GHRHR: variants seen among roughly 807,000 people sequenced by gnomAD.
GHRHR encodes growth hormone releasing hormone receptor, also known as growth hormone-releasing hormone receptor.
A neutral mutation model predicts 58.3 loss-of-function variants in GHRHR; 40 were observed. The observed-to-expected ratio is 0.69, with a 90% CI of 0.53 to 0.89. The LOEUF is 0.89. Among genes scored for constraint, GHRHR ranks in the 40% least tolerant of loss-of-function variants. The pLI is 0.00. For missense variants in GHRHR, 551 were observed against 541.3 expected (o/e 1.02, Z -0.18); for synonymous variants, 249 against 216.6 (o/e 1.15, Z -1.31).
chr7:30,975,935 T>C, intron 10 of GHRHR, 67 bp downstream of exon 10: 1 of 907,458 alleles, frequency 1.1e-6, no homozygotes, highest in Admixed American at 1.7e-5. Flanking sequence ...TGTGTCTGTC[T>C]CATCCAATAA....
In GHRHR at chr7:30,979,338, C is replaced by A; in HGVS notation, c.*94C>A. The A allele has an allele frequency of 1.5e-6, 2 of 1,306,444 alleles. No individual in the cohort carries two copies. The highest frequency in any genetic ancestry group is 2.2e-6 in the Non-Finnish European group (2 of 926,608). 80.9% of individuals were successfully genotyped at this position (1,306,444 alleles called of 1,614,324 possible). On this transcript the variant is annotated 3_prime_UTR_variant, in exon 13 of 13. Transcript: ENST00000326139. ...GAGGAGCAAGGGGGCCACATCCCCA[C>A]CCCAGCTGTTACCCAGCCCGGGGCA... is the stretch of plus-strand genomic sequence containing the variant.
chr7:30,972,837 C>G (rs1002855671), intron 6 of GHRHR, among the ~76,000 whole-genome samples: 2 of 152,196 alleles, frequency 1.3e-5, no homozygotes, highest in African/African-American at 4.8e-5. Flanking sequence ...AACACATGAC[C>G]TCAATTAACT....
intron 7 of GHRHR, 77 bp from the exon 8 acceptor site, chr7:30,974,352 G>C (rs936339382): frequency 1.7e-6 from 2 of 1,170,810 alleles, no homozygotes; most frequent in African/African-American, 3.0e-5. Flanking sequence ...GGCTGATGGT[G>C]GTGGTGGGAG....
chr7:30,965,204 T>G (rs1242758222), intron 1 of GHRHR, among the ~76,000 whole-genome samples: 1 of 152,222 alleles, frequency 6.6e-6, no homozygotes, highest in African/African-American at 2.4e-5. Context: ...CTGTGTGCAC[T>G]CTACAGCAAA....
chr7:30,968,367 C>G (rs936850949), intron 1 of GHRHR, among the ~76,000 whole-genome samples: 1 of 151,976 alleles, frequency 6.6e-6, no homozygotes, highest in South Asian at 2.1e-4. Context: ...AGTTGGCCAT[C>G]CCTGTGAGAT....
intron 12 of GHRHR, among the ~76,000 whole-genome samples, chr7:30,978,404 T>A (rs1238569776): frequency 6.6e-6 from 1 of 152,152 alleles, no homozygotes; most frequent in African/African-American, 2.4e-5. Context: ...GGTGGTTACA[T>A]ACCTCTGGTG....
intron 3 of GHRHR, 110 bp downstream of exon 3, chr7:30,969,280 C>T (rs1253418134): frequency 2.6e-6 from 2 of 775,272 alleles, no homozygotes; most frequent in Non-Finnish European, 4.4e-6. Flanking sequence ...TACCAACTTC[C>T]CCTCTTCTGG....
At chr7:30,978,541 A>G (rs1219494553) in intron 12 of GHRHR, among the ~76,000 whole-genome samples, 1 of 152,192 alleles carries the variant, frequency 6.6e-6, no homozygotes, top group East Asian at 1.9e-4. Flanking sequence ...GCTCTACTGC[A>G]TGAGGCACAT....
At position 30,971,144 on chromosome 7, in the gene GHRHR, T is replaced by G. The variant is rs938811690; in HGVS notation, c.392T>G (p.Ile131Ser). The change falls in exon 5 of 13, where the codon ATT becomes AGT. Residue 131 changes from isoleucine to serine, a missense_variant. Ile to Ser is a moderately radical substitution (Grantham distance 142). Transcript: ENST00000326139. ...EEESYFSTVK[I>S]IYTVGHSISI... is the part of the protein sequence containing the mutation. ...GAATCTTACTTCTCCACAGTGAAGA[T>G]TATCTACACCGTGGGCCATAGCATC... 6.6e-7 allele frequency: 1 copy of G among 1,504,768 alleles called. No homozygotes were observed. The highest frequency in any genetic ancestry group is 9.1e-7 in the Non-Finnish European group (1 of 1,102,696). The allele number at this position is 1,504,768 out of a possible 1,614,324, so 93.2% of individuals were successfully genotyped here. A position where few individuals can be genotyped will look rare whatever the true frequency, so the allele number is the denominator to read the frequency against.
intron 1 of GHRHR, among the ~76,000 whole-genome samples, chr7:30,965,255 C>T (rs1454672122): frequency 6.6e-6 from 1 of 152,130 alleles, no homozygotes; most frequent in East Asian, 1.9e-4. Flanking sequence ...CTGGTGGTGG[C>T]CATTCAGCAG....
At chr7:30,977,197 A>C in intron 11 of GHRHR, 84 bp from the exon 12 acceptor site, 1 of 1,267,920 alleles carries the variant, frequency 7.9e-7, no homozygotes. Context: ...GGGGATGAGT[A>C]GGGAAAAGGT....
chr7:30,972,422 G>T (rs557084647), intron 6 of GHRHR, among the ~76,000 whole-genome samples: 1 of 152,138 alleles, frequency 6.6e-6, no homozygotes, highest in South Asian at 2.1e-4. Context: ...TGTGCTGGGG[G>T]TGTGTACGCA....
chr7:30,967,318 T>C (rs762431063), intron 1 of GHRHR, among the ~76,000 whole-genome samples: 6 of 152,160 alleles, frequency 3.9e-5, no homozygotes, highest in Non-Finnish European at 8.8e-5. Context: ...TATTCCTGCT[T>C]CCATCCCAAT....
At position 30,969,956 on chromosome 7, in the gene GHRHR, G is replaced by T. The variant is rs1307421316; in HGVS notation, c.358G>T (p.Ala120Ser). The change falls in exon 4 of 13, where the codon GCT (alanine) becomes TCT (serine). Residue 120 changes from alanine (A) to serine (S), a missense_variant. Physicochemically the swap from Ala to Ser is moderately conservative, Grantham distance 99 (BLOSUM62 1). Coordinates refer to ENST00000326139, the MANE Select transcript of GHRHR (RefSeq NM_000823.4). ...VACPVPLELL[A>S]EEESYFSTVK... ...CTGCCCTGTGCCTCTGGAGCTGCTG[G>T]CTGAGGAGGTAAGAGTCTTCTGGCA... 1 of 1,263,104 alleles carries T rather than the reference G, an allele frequency of 7.9e-7. No homozygotes were observed. The highest frequency in any genetic ancestry group is 2.3e-5 in the East Asian group (1 of 43,274). The allele number at this position is 1,263,104 out of a possible 1,614,324, so 78.2% of individuals were successfully genotyped here.
rs1399941245 is a variant in GHRHR at position 30,971,101 on chromosome 7, T to C, written c.367-18T>C. On this transcript the variant is annotated intron_variant, in intron 4 of 12. Transcript: ENST00000326139. ...AGGCCCAGAAGCTGAGACTTTCTTC[T>C]GTCTCTGCCCTTCCCAGGAATCTTA... 1.8e-6 allele frequency: 2 copies of C among 1,117,966 alleles called. No homozygotes were observed. Among genetic ancestry groups the C allele is most frequent in the Non-Finnish European group, 2.7e-6 (2 of 750,456 alleles). 69.3% of individuals were successfully genotyped at this position (1,117,966 alleles called of 1,614,324 possible).
chr7:30,968,593 T>C (rs1792403234), intron 1 of GHRHR, among the ~76,000 whole-genome samples: 1 of 137,844 alleles, frequency 7.3e-6, no homozygotes. Flanking sequence ...TTAGACCTTC[T>C]GTTCCTCCCT....
At chr7:30,978,154 C>T (rs1426854959) in intron 12 of GHRHR, among the ~76,000 whole-genome samples, 1 of 152,176 alleles carries the variant, frequency 6.6e-6, no homozygotes, top group Non-Finnish European at 1.5e-5. Context: ...GAGTTTTGCT[C>T]CCATCTCATC....
At chr7:30,966,998 CCT>C (rs1331398795) in intron 1 of GHRHR, among the ~76,000 whole-genome samples, 1 of 152,162 alleles carries the variant, frequency 6.6e-6, no homozygotes, top group African/African-American at 2.4e-5. Flanking sequence ...AGCCCTTCTC[CCT>C]TCCCCAGCCC....
At chr7:30,974,550 G>A (rs965923093) in intron 8 of GHRHR, 61 bp downstream of exon 8, 7 of 1,150,032 alleles carry the variant, frequency 6.1e-6, no homozygotes, top group African/African-American at 3.0e-5. Flanking sequence ...GGAGTGGACA[G>A]TCAGGCCATG....
Sources: gnomAD v4.1 joint callset for allele counts (sites outside exome capture counted in the v4.1 genomes callset) on GRCh38, gnomAD v4.1.1 for gene constraint, MANE v1.5 for transcripts, NCBI Gene and HGNC (gene_info 2026-07-23, HGNC 2026-07-21) for gene names.